BNIP2: variants seen among roughly 807,000 people sequenced by gnomAD.
BNIP2 encodes BCL2/adenovirus E1B 19 kDa protein-interacting protein 2.
Under a neutral mutation model 43.4 loss-of-function variants are expected in BNIP2, and 36 were observed. That is an observed-to-expected ratio of 0.83 (90% CI 0.64 to 1.10). The LOEUF is 1.10. BNIP2 is among the 50% of genes least tolerant of loss of function. The pLI, the probability that BNIP2 is intolerant of heterozygous loss-of-function variation, is 0.00. For synonymous variants in BNIP2, 146 were observed against 121.0 expected (o/e 1.21, Z -1.35); for missense variants, 417 against 374.1 (o/e 1.11, Z -0.95).
At position 59,671,021 on chromosome 15, in the gene BNIP2, C is replaced by T. The variant is rs965715463; in HGVS notation, c.707+162G>A. ...CTGGGAGGTGGAGGTTGCGGTGAAC[C>T]GAGATTGTGCCATTGCACTCCAGCC... is the stretch of plus-strand genomic sequence containing the variant. On this transcript the variant is annotated intron_variant, in intron 7 of 9. Coordinates refer to ENST00000607373, the MANE Select transcript of BNIP2 (RefSeq NM_004330.4). Among the ~76,000 whole-genome samples the T allele has an allele frequency of 3.4e-5, 5 of 148,918 alleles. No individual in the cohort carries two copies. The South Asian group carries it at 8.4e-4, about 25-fold the overall frequency.
intron 1 of BNIP2, among the ~76,000 whole-genome samples, chr15:59,686,662 G>A (rs1380646035): frequency 1.3e-5 from 2 of 152,140 alleles, no homozygotes. Context: ...TCCTAGACAT[G>A]TGCTTGTCAT....
chr15:59,668,938 C>G lies in BNIP2; in HGVS notation c.847G>C (p.Glu283Gln). Residue 283 changes from glutamate (E) to glutamine (Q), a missense_variant, in exon 9 of 10, where the codon GAA (glutamate) becomes CAA (glutamine). Physicochemically the swap from Glu to Gln is conservative, Grantham distance 29. Transcript: ENST00000607373. ...RYVFNLAELA[E>Q]LVPMEYVGIP... ...CCAACGTATTCCATGGGGACAAGTT[C>G]TGCTAGTTCTGCCAAATTAAACACG... 6.2e-7 allele frequency: 1 copy of G among 1,613,716 alleles called. No individual in the cohort carries two copies. The highest frequency in any genetic ancestry group is 8.5e-7 in the Non-Finnish European group (1 of 1,179,754).
intron 4 of BNIP2, 132 bp downstream of exon 4, chr15:59,679,460 G>T: frequency 3.7e-6 from 4 of 1,079,816 alleles, no homozygotes; most frequent in South Asian, 1.7e-5. Context: ...TTAAGTCCTT[G>T]AGAATATTCA....
At chr15:59,675,405 T>C (rs2142003409) in intron 5 of BNIP2, among the ~76,000 whole-genome samples, 1 of 151,894 alleles carries the variant, frequency 6.6e-6, no homozygotes, top group East Asian at 1.9e-4. Flanking sequence ...GGTCAGGTGA[T>C]CGAGACCATC....
intron 5 of BNIP2, among the ~76,000 whole-genome samples, chr15:59,675,426 T>C (rs1893216203): frequency 6.6e-6 from 1 of 151,228 alleles, no homozygotes; most frequent in Non-Finnish European, 1.5e-5. Context: ...CTGGCTAACA[T>C]GGTGAAACCC....
At chr15:59,669,973 A>C (rs1275696771) in intron 7 of BNIP2, among the ~76,000 whole-genome samples, 1 of 152,254 alleles carries the variant, frequency 6.6e-6, no homozygotes, top group African/African-American at 2.4e-5. Flanking sequence ...TTAGATGTGA[A>C]GAGAAACCTA....
In BNIP2 at chr15:59,677,160, T is replaced by A. The variant is rs1893356039; in HGVS notation, c.472+751A>T. The A allele has an allele frequency of 4.4e-6, 7 of 1,589,878 alleles. No homozygotes were observed. The South Asian group carries it at 7.7e-5, about 18-fold the overall frequency. On this transcript the variant is annotated intron_variant, in intron 5 of 9. Coordinates refer to ENST00000607373, the MANE Select transcript of BNIP2 (RefSeq NM_004330.4). ...TATTTACATGCAGAAGGTGATTTAC[T>A]ACCTCTGCATCTTATTGAAGGATCC... is the stretch of plus-strand genomic sequence containing the variant.
intron 1 of BNIP2, among the ~76,000 whole-genome samples, chr15:59,686,280 T>G (rs1215918368): frequency 3.3e-5 from 5 of 152,212 alleles, no homozygotes; most frequent in Non-Finnish European, 5.9e-5. Flanking sequence ...CCAGGCTCAG[T>G]GGCTCACTCC....
At chr15:59,672,594 G>T (rs370180810) in intron 6 of BNIP2, 43 bp downstream of exon 6, 103 of 1,382,236 alleles carry the variant, frequency 7.5e-5, no homozygotes, top group Non-Finnish European at 9.0e-5. Context: ...GATCTAATTA[G>T]CTCACAATTC....
At chr15:59,687,261 C>T (rs1406039151) in intron 1 of BNIP2, among the ~76,000 whole-genome samples, 1 of 151,816 alleles carries the variant, frequency 6.6e-6, no homozygotes, top group African/African-American at 2.4e-5. Context: ...AAACTATAAT[C>T]GTGGAATATT....
At chr15:59,668,538 G>A (rs1892699064) in intron 9 of BNIP2, among the ~76,000 whole-genome samples, 1 of 152,172 alleles carries the variant, frequency 6.6e-6, no homozygotes, top group African/African-American at 2.4e-5. Context: ...TTGATGATCA[G>A]TTTACTCAAA....
At chr15:59,669,403 A>T (rs1311649222) in intron 7 of BNIP2, 41 bp from the exon 8 acceptor site, 2 of 1,291,458 alleles carry the variant, frequency 1.5e-6, no homozygotes, top group East Asian at 2.5e-5. Context: ...AAAGAAAATT[A>T]AAAATTTCTA....
chr15:59,668,772 A>G lies in BNIP2; in HGVS notation c.893+120T>C, dbSNP rs115406862. On this transcript the variant is annotated intron_variant, in intron 9 of 9. Coordinates refer to ENST00000607373, the MANE Select transcript of BNIP2 (RefSeq NM_004330.4). ...TTTTCTTTGTTACACACACACACAC[A>G]CGCGCGCGCGCGCACAGTTATAAAA... 3.7e-3 allele frequency: 2,879 copies of G among 779,432 alleles called. 47 individuals are homozygous for G. The African/African-American group carries it at 0.041, about 11-fold the overall frequency. The allele number at this position is 779,432 out of a possible 1,614,324, so 48.3% of individuals were successfully genotyped here.
intron 2 of BNIP2, among the ~76,000 whole-genome samples, chr15:59,681,323 AC>A (rs1449404930): frequency 2.0e-5 from 3 of 152,066 alleles, no homozygotes; most frequent in Admixed American, 6.5e-5. Flanking sequence ...TCATTAGCCT[AC>A]CTGGTGCCAA....
intron 4 of BNIP2, chr15:59,678,913 C>T: frequency 8.1e-7 from 1 of 1,233,966 alleles, no homozygotes; most frequent in Non-Finnish European, 1.1e-6. Flanking sequence ...GTATTGCTTA[C>T]TACTGGACTG....
At chr15:59,673,909 C>T (rs1254275502) in intron 5 of BNIP2, among the ~76,000 whole-genome samples, 2 of 151,698 alleles carry the variant, frequency 1.3e-5, no homozygotes, top group African/African-American at 2.4e-5. Context: ...GCCAACATGG[C>T]GAAACCCCAT....
chr15:59,665,977 T>G (rs937063553), intron 9 of BNIP2, among the ~76,000 whole-genome samples: 3 of 83,404 alleles, frequency 3.6e-5, no homozygotes, highest in African/African-American at 1.1e-4. Context: ...AAATTTGGAA[T>G]GTATTTCTGA....
chr15:59,669,041 G>T, intron 8 of BNIP2, 51 bp from the exon 9 acceptor site: 1 of 1,440,300 alleles, frequency 6.9e-7, no homozygotes, highest in South Asian at 1.2e-5. Flanking sequence ...CAAATACAAT[G>T]GATACAATGT....
intron 9 of BNIP2, 145 bp downstream of exon 9, chr15:59,668,743 CTCTT>C: frequency 3.2e-5 from 4 of 123,574 alleles, no homozygotes; most frequent in Non-Finnish European, 7.1e-5. Flanking sequence ...TGGCTTCTTC[CTCTT>C]TTTCTTTGTT....
Sources: gnomAD v4.1 joint callset for allele counts (sites outside exome capture counted in the v4.1 genomes callset) on GRCh38, gnomAD v4.1.1 for gene constraint, MANE v1.5 for transcripts, NCBI Gene and HGNC (gene_info 2026-07-23, HGNC 2026-07-21) for gene names.